ACAP3: variants seen among roughly 807,000 people sequenced by gnomAD.
ACAP3 encodes arf-GAP with coiled-coil, ANK repeat and PH domain-containing protein 3.
ACAP3 carries 56 observed loss-of-function variants against 104.1 expected under a neutral mutation model. The observed-to-expected ratio is 0.54, with a 90% CI of 0.43 to 0.67. The LOEUF is 0.67. Ranked by LOEUF, ACAP3 falls within the 30% of genes least tolerant of loss-of-function variation. The pLI is 0.00. For synonymous variants in ACAP3, 628 were observed against 496.2 expected (o/e 1.27, Z -3.53); for missense variants, 1,208 against 1,174.9 (o/e 1.03, Z -0.41).
At chr1:1,307,457 C>T (rs1641786143) in intron 1 of ACAP3, 2 of 1,294,326 alleles carry the variant, frequency 1.5e-6, no homozygotes, top group Non-Finnish European at 2.0e-6. Flanking sequence ...CAGAGCTGGA[C>T]TGCAGGGCCC....
rs1739855 is a variant in ACAP3 at position 1,298,561 on chromosome 1, T to C, written c.863+6A>G. On this transcript the variant is annotated splice_donor_region_variant and intron_variant, in intron 11 of 23. Coordinates refer to ENST00000354700, the MANE Select transcript of ACAP3 (RefSeq NM_030649.3). ...ACCCCGCCCCCACCTGAGGAAGGCC[T>C]CTCACCGGTTCCATGTCTTGAAAGC... 0.17 allele frequency: 248,836 copies of C among 1,439,694 alleles called. 47,166 individuals are homozygous for C. Among genetic ancestry groups the C allele is most frequent in the African/African-American group, 0.75 (54,275 of 72,576 alleles). The allele number at this position is 1,439,694 out of a possible 1,614,324, so 89.2% of individuals were successfully genotyped here. A position where few individuals can be genotyped will look rare whatever the true frequency, so the allele number is the denominator to read the frequency against.
rs1268851763 is a variant in ACAP3, at chr1:1,293,625, G to C, written c.2444C>G (p.Thr815Arg). ...GPPGALAGSP[T>R]ELQFRRCIQE... ...GATACACCTGCGGAACTGGAGCTCC[G>C]TGGGGCTGCCCGCCAGGGCGCCCGG... Residue 815 changes from threonine (T) to arginine (R), a missense_variant, in exon 24 of 24, where the codon ACG (threonine) becomes AGG (arginine). Physicochemically the swap from Thr to Arg is moderately conservative, Grantham distance 71. Coordinates refer to ENST00000354700, the MANE Select transcript of ACAP3 (RefSeq NM_030649.3). The C allele has an allele frequency of 6.7e-7, 1 of 1,489,642 alleles. No individual in the cohort carries two copies. Among genetic ancestry groups the C allele is most frequent in the Admixed American group, 2.2e-5 (1 of 45,802 alleles). The allele number at this position is 1,489,642 out of a possible 1,614,324, so 92.3% of individuals were successfully genotyped here.
intron 4 of ACAP3, among the ~76,000 whole-genome samples, chr1:1,302,702 C>T (rs114736836): frequency 0.018 from 2,662 of 151,818 alleles, 39 homozygotes; most frequent in Middle Eastern, 0.031. Context: ...GATAAACCAC[C>T]CCTCCCCCAG....
At chr1:1,307,113 C>T (rs1475508511) in intron 1 of ACAP3, 2 of 1,185,820 alleles carry the variant, frequency 1.7e-6, no homozygotes, top group South Asian at 1.3e-5. Context: ...TTGTCGTTTG[C>T]CAAATGTCCA....
At position 1,294,612 on chromosome 1, in the gene ACAP3, C is replaced by T; in HGVS notation, c.1929G>A (p.Glu643=). Residue 643 remains glutamate, a synonymous_variant, in exon 21 of 24, where the codon GAG becomes GAA. Coordinates refer to ENST00000354700, the MANE Select transcript of ACAP3 (RefSeq NM_030649.3). ...CCCCGTCTGCCTCACCGCTGGACTC[C>T]TCCGACTCTGCACCCTCTGTGGGGA... ...SVTEEEGAES[E]ESSGEADGDT... 1 of 1,528,944 alleles carries T rather than the reference C, an allele frequency of 6.5e-7. No homozygotes were observed. The allele number at this position is 1,528,944 out of a possible 1,614,324, so 94.7% of individuals were successfully genotyped here.
intron 1 of ACAP3, chr1:1,307,143 A>C (rs1190454992): frequency 7.9e-7 from 1 of 1,262,802 alleles, no homozygotes; most frequent in African/African-American, 1.5e-5. Context: ...GCCGATGCAC[A>C]CTTGTGCACA....
At chr1:1,298,919 C>G in intron 10 of ACAP3, 1 of 561,210 alleles carries the variant, frequency 1.8e-6, no homozygotes, top group Non-Finnish European at 3.1e-6. Flanking sequence ...CCCGAGAGTG[C>G]CGGCCCCACC....
At chr1:1,294,838 G>T (rs1211378732) in intron 19 of ACAP3, 22 bp from the exon 20 acceptor site, 1 of 1,548,392 alleles carries the variant, frequency 6.5e-7, no homozygotes, top group South Asian at 1.2e-5. Context: ...CAGGGAAGGG[G>T]GTCCTGAGGG....
rs1301958328 is a variant in ACAP3 at position 1,303,305 on chromosome 1, A to G, written c.106-24T>C. 9 of 1,557,786 alleles carry G rather than the reference A, an allele frequency of 5.8e-6. No individual in the cohort carries two copies. The Admixed American group carries it at 1.7e-4, about 30-fold the overall frequency. On this transcript the variant is annotated intron_variant, in intron 2 of 23. Transcript: ENST00000354700. The surrounding 1 kb of genome is among the most constrained non-coding windows in gnomAD (Gnocchi z 4.0). ...AGCTGTGGGCCAGCGGGGCGTGGTG[A>G]GCACAGTGGGCACTGGCGCCTGCAC...
At chr1:1,306,199 A>G (rs1206046973) in intron 1 of ACAP3, among the ~76,000 whole-genome samples, 3 of 152,088 alleles carry the variant, frequency 2.0e-5, no homozygotes, top group Admixed American at 2.0e-4. Flanking sequence ...GGCTCCTGTA[A>G]CAGGCTCCCA....
At chr1:1,306,933 C>G (rs565379244) in intron 1 of ACAP3, 1 of 381,782 alleles carries the variant, frequency 2.6e-6, no homozygotes, top group East Asian at 7.2e-5. Context: ...CAGAAGCAAG[C>G]ACAGCCCCGT....
At chr1:1,299,222 A>C (rs961793732) in intron 10 of ACAP3, 123 bp downstream of exon 10, 1 of 1,277,940 alleles carries the variant, frequency 7.8e-7, no homozygotes. Context: ...CATCAGCAGC[A>C]GGAGCCGAGA....
chr1:1,296,894 C>A (rs535246122), intron 14 of ACAP3, among the ~76,000 whole-genome samples: 2 of 152,288 alleles, frequency 1.3e-5, no homozygotes, highest in African/African-American at 4.8e-5. Context: ...TACGTGTGCA[C>A]ACCCTCACGT....
At chr1:1,294,011 G>C in intron 22 of ACAP3, 78 bp from the exon 23 acceptor site, 1 of 1,475,876 alleles carries the variant, frequency 6.8e-7, no homozygotes, top group Non-Finnish European at 9.0e-7. Flanking sequence ...TGGCCGGATA[G>C]GGCATGGCGG....
intron 12 of ACAP3, 70 bp downstream of exon 12, chr1:1,298,300 G>A: frequency 6.2e-7 from 1 of 1,600,304 alleles, no homozygotes; most frequent in Non-Finnish European, 8.5e-7. Flanking sequence ...AACCCCAACT[G>A]ACCAGTCTGC....
chr1:1,295,005 A>G, intron 19 of ACAP3, 189 bp from the exon 20 acceptor site: 1 of 603,102 alleles, frequency 1.7e-6, no homozygotes. Flanking sequence ...TAACAGCTCA[A>G]AGGTGCCAGG....
In ACAP3 at chr1:1,300,699, G is replaced by A. The variant is rs750726222; in HGVS notation, c.339-7C>T. ...CTTGAACTTCCGCACATCCCTGGAGGCCAAGTGCCAGGTGGGGTGAGAGAT... is the reference window on the plus strand; with the variant it reads ...CTTGAACTTCCGCACATCCCTGGAGACCAAGTGCCAGGTGGGGTGAGAGAT... On this transcript the variant is annotated splice_polypyrimidine_tract_variant and splice_region_variant and intron_variant, in intron 5 of 23. Transcript: ENST00000354700. 16 of 1,605,244 alleles carry A rather than the reference G, an allele frequency of 1.0e-5. No individual in the cohort carries two copies. In the East Asian group the frequency reaches 2.0e-4, roughly 20 times the overall value.
chr1:1,293,643 G>A lies in ACAP3; in HGVS notation c.2426C>T (p.Ala809Val), dbSNP rs1345741420. ...EAEAAPGPPGALAGSPTELQF... is the reference protein window; with the variant it reads ...EAEAAPGPPGVLAGSPTELQF... Reference sequence around the variant, plus strand: ...GAGCTCCGTGGGGCTGCCCGCCAGGGCGCCCGGGGGACCAGGGGCAGCCTC... The same window carrying A: ...GAGCTCCGTGGGGCTGCCCGCCAGGACGCCCGGGGGACCAGGGGCAGCCTC... Residue 809 changes from alanine to valine, a missense_variant, in exon 24 of 24, where the codon GCC becomes GTC. Transcript: ENST00000354700. 3 of 1,478,516 alleles carry A rather than the reference G, an allele frequency of 2.0e-6. No individual in the cohort carries two copies. The highest frequency in any genetic ancestry group is 1.5e-5 in the African/African-American group (1 of 67,002). The allele number at this position is 1,478,516 out of a possible 1,614,324, so 91.6% of individuals were successfully genotyped here. A position where few individuals can be genotyped will look rare whatever the true frequency, so the allele number is the denominator to read the frequency against.
chr1:1,294,295 C>T (rs1641008101), intron 21 of ACAP3, 96 bp from the exon 22 acceptor site: 7 of 1,513,912 alleles, frequency 4.6e-6, no homozygotes, highest in South Asian at 1.2e-5. Flanking sequence ...CAGCCGGGAC[C>T]GAACGTGGTC....
Sources: gnomAD v4.1 joint callset for allele counts (sites outside exome capture counted in the v4.1 genomes callset) on GRCh38, gnomAD v4.1.1 for gene constraint, Gnocchi (gnomAD v3.1) non-coding constraint, MANE v1.5 for transcripts, NCBI Gene and HGNC (gene_info 2026-07-23, HGNC 2026-07-21) for gene names.